MEGF6: variants seen among roughly 807,000 people sequenced by gnomAD.
MEGF6 encodes multiple epidermal growth factor-like domains protein 6.
MEGF6 carries 184 observed loss-of-function variants against 207.1 expected under a neutral mutation model. That is an observed-to-expected ratio of 0.89 (90% CI 0.79 to 1.00). The LOEUF (loss-of-function observed/expected upper bound fraction) is 1.00. MEGF6 is among the 50% of genes least tolerant of loss of function. The pLI, the probability that MEGF6 is intolerant of heterozygous loss-of-function variation, is 0.00. For missense variants in MEGF6, 2,282 were observed against 2,202.9 expected (o/e 1.04, Z -0.72); for synonymous variants, 1,038 against 910.0 (o/e 1.14, Z -2.53).
At chr1:3,543,363 G>A (rs1008007727) in intron 4 of MEGF6, among the ~76,000 whole-genome samples, 13 of 152,344 alleles carry the variant, frequency 8.5e-5, no homozygotes, top group African/African-American at 2.6e-4. Flanking sequence ...CGAACCCTGC[G>A]TTCGTGCTCA....
intron 2 of MEGF6, 78 bp downstream of exon 2, chr1:3,602,388 G>C: frequency 6.3e-7 from 1 of 1,597,594 alleles, no homozygotes; most frequent in Non-Finnish European, 8.5e-7. Flanking sequence ...CCTGGCCTCA[G>C]CTGCCCAGCT....
At chr1:3,534,073 C>A (rs10797400) in intron 4 of MEGF6, among the ~76,000 whole-genome samples, 39,719 of 151,980 alleles carry the variant, frequency 0.26, 5,735 homozygotes, top group Non-Finnish European at 0.32. Flanking sequence ...AGCCGCTGCG[C>A]GAGGCCCCAA....
Position 3,572,167 on chromosome 1 carries a change from C to T in MEGF6, c.481+7658G>A, listed in dbSNP as rs369481495. On this transcript the variant is annotated intron_variant, in intron 4 of 36. Transcript: ENST00000356575. Reference sequence around the variant, plus strand: ...CTGGGTTCTCTCAGGTGTGCTGGGTCCTCCTGGGTGTGCTGGGTCCTCCTG... The same window carrying T: ...CTGGGTTCTCTCAGGTGTGCTGGGTTCTCCTGGGTGTGCTGGGTCCTCCTG... Among the ~76,000 whole-genome samples, 190 of 138,596 alleles carry T rather than the reference C, an allele frequency of 1.4e-3. 1 individual carries two copies. Among genetic ancestry groups the T allele is most frequent in the African/African-American group, 4.9e-3 (174 of 35,782 alleles). The allele number at this position is 138,596 out of a possible 152,430, so 90.9% of individuals were successfully genotyped here.
intron 34 of MEGF6, 79 bp from the exon 35 acceptor site, chr1:3,492,846 C>A (rs1361990777): frequency 6.5e-6 from 10 of 1,542,466 alleles, no homozygotes; most frequent in East Asian, 2.4e-5. Flanking sequence ...GGCCTAGGGG[C>A]CCGCGGCAGA....
intron 5 of MEGF6, among the ~76,000 whole-genome samples, chr1:3,519,102 C>A (rs1389963752): frequency 1.3e-5 from 2 of 152,220 alleles, no homozygotes; most frequent in African/African-American, 2.4e-5. Flanking sequence ...GAAACGCCCG[C>A]CACCCCCCTT....
At chr1:3,584,749 G>A (rs1643869925) in intron 3 of MEGF6, among the ~76,000 whole-genome samples, 1 of 152,236 alleles carries the variant, frequency 6.6e-6, no homozygotes, top group Non-Finnish European at 1.5e-5. Flanking sequence ...GCAGTCCCCA[G>A]GCCTGCATCT....
chr1:3,499,421 G>A (rs1183748009), intron 23 of MEGF6, among the ~76,000 whole-genome samples, 155 bp from the exon 24 acceptor site: 1 of 152,164 alleles, frequency 6.6e-6, no homozygotes, highest in African/African-American at 2.4e-5. Context: ...TCAGCAGAGT[G>A]GCCACAAAAA....
chr1:3,607,127 G>C (rs970153484), intron 1 of MEGF6, among the ~76,000 whole-genome samples: 3 of 151,948 alleles, frequency 2.0e-5, no homozygotes, highest in East Asian at 3.9e-4. Context: ...CCCTCAGAAG[G>C]GCCTTCTTGT....
chr1:3,499,102 TGGACCCC>T, intron 24 of MEGF6, 29 bp downstream of exon 24: 1 of 1,593,858 alleles, frequency 6.3e-7, no homozygotes, highest in Non-Finnish European at 8.5e-7. Context: ...CGCTCAGGCC[TGGACCCC>T]GGTCCCTGGA....
chr1:3,610,066 G>A (rs1644304418), intron 1 of MEGF6, among the ~76,000 whole-genome samples: 1 of 152,260 alleles, frequency 6.6e-6, no homozygotes, highest in South Asian at 2.1e-4. Context: ...AAAGAGGAAT[G>A]TCCCGCCGTC....
At chr1:3,589,919 T>C (rs928579520) in intron 3 of MEGF6, among the ~76,000 whole-genome samples, 2 of 152,270 alleles carry the variant, frequency 1.3e-5, no homozygotes, top group African/African-American at 4.8e-5. Flanking sequence ...TTAAAGGCTC[T>C]GAAAATTCCT....
chr1:3,533,857 T>G (rs1642248396), intron 4 of MEGF6, among the ~76,000 whole-genome samples: 1 of 152,166 alleles, frequency 6.6e-6, no homozygotes, highest in Non-Finnish European at 1.5e-5. Flanking sequence ...CAAGAGGCCC[T>G]TCCTTGAAGG....
At chr1:3,575,008 G>A (rs1643602696) in intron 4 of MEGF6, among the ~76,000 whole-genome samples, 1 of 152,244 alleles carries the variant, frequency 6.6e-6, no homozygotes, top group Non-Finnish European at 1.5e-5. Context: ...CTCAGAGCCT[G>A]CCCTTGTCCC....
chr1:3,593,112 C>T (rs1350869458), intron 3 of MEGF6, among the ~76,000 whole-genome samples: 1 of 152,208 alleles, frequency 6.6e-6, no homozygotes, highest in East Asian at 1.9e-4. Context: ...ACAGCACAGG[C>T]AGACAGAGCT....
At chr1:3,610,980 G>T (rs2101916988) in intron 1 of MEGF6, among the ~76,000 whole-genome samples, 158 bp downstream of exon 1, 1 of 152,346 alleles carries the variant, frequency 6.6e-6, no homozygotes, top group East Asian at 1.9e-4. Flanking sequence ...CTCGACCCTG[G>T]AGCCCTGTGT....
intron 5 of MEGF6, among the ~76,000 whole-genome samples, chr1:3,523,076 G>GA (rs200503308): frequency 4.2e-5 from 6 of 142,222 alleles, no homozygotes; most frequent in East Asian, 1.9e-4. Context: ...GTGTGTGCCG[G>GA]GGGGGGGGCC....
chr1:3,498,993 G>A (rs1455851058), intron 24 of MEGF6, 145 bp downstream of exon 24: 2 of 1,405,462 alleles, frequency 1.4e-6, no homozygotes, highest in Non-Finnish European at 1.9e-6. Flanking sequence ...TGCCTGGAGA[G>A]GGGCACAGGT....
At chr1:3,617,760 G>T in the MEGF6 span, among the ~76,000 whole-genome samples, 1 of 152,256 alleles carries the variant, frequency 6.6e-6, no homozygotes, top group African/African-American at 2.4e-5. Flanking sequence ...CCTCGGACAG[G>T]CGTCCTTGTA....
intron 4 of MEGF6, among the ~76,000 whole-genome samples, chr1:3,551,999 A>G (rs1642903765): frequency 6.6e-6 from 1 of 152,026 alleles, no homozygotes; most frequent in Non-Finnish European, 1.5e-5. Context: ...CCCTTGAACC[A>G]CACTTGTCCC....
Sources: gnomAD v4.1 joint callset for allele counts (sites outside exome capture counted in the v4.1 genomes callset) on GRCh38, gnomAD v4.1.1 for gene constraint, MANE v1.5 for transcripts, NCBI Gene and HGNC (gene_info 2026-07-23, HGNC 2026-07-21) for gene names.